CLASP1: variants seen among roughly 807,000 people sequenced by gnomAD.
CLASP1 encodes the protein CLIP-associating protein 1.
In CLASP1, 38 loss-of-function variants were observed where a neutral mutation model predicts 192.3. That is an observed-to-expected ratio of 0.20 (90% confidence interval 0.15 to 0.26). The LOEUF (loss-of-function observed/expected upper bound fraction) is 0.26, where lower values mean the gene tolerates loss of function less well. CLASP1 is among the 10% of genes least tolerant of loss of function. The pLI is 1.00. For synonymous variants in CLASP1, 691 were observed against 712.8 expected (o/e 0.97, Z 0.49); for missense variants, 1,433 against 1,932.5 (o/e 0.74, Z 4.85).
At chr2:121,424,671 T>C (rs1193559607) in intron 22 of CLASP1, among the ~76,000 whole-genome samples, 1 of 152,214 alleles carries the variant, frequency 6.6e-6, no homozygotes, top group African/African-American at 2.4e-5. Flanking sequence ...AACAAATCTA[T>C]GTCAAAAGTA....
At chr2:121,399,892 C>T (rs1167858213) in intron 28 of CLASP1, among the ~76,000 whole-genome samples, 1 of 152,202 alleles carries the variant, frequency 6.6e-6, no homozygotes, top group African/African-American at 2.4e-5. Flanking sequence ...TTGGCCTTCA[C>T]AGTATCTTAA....
intron 1 of CLASP1, among the ~76,000 whole-genome samples, chr2:121,648,977 T>C (rs2073708509): frequency 6.6e-6 from 1 of 152,068 alleles, no homozygotes; most frequent in African/African-American, 2.4e-5. Flanking sequence ...TGGGTTTCTC[T>C]CCCTCGCCCC....
intron 6 of CLASP1, among the ~76,000 whole-genome samples, chr2:121,517,858 CTTTTTTTTTTTTTTTTTTTTT>C (rs70954553): frequency 6.2e-4 from 19 of 30,812 alleles, no homozygotes; most frequent in African/African-American, 2.7e-3. Flanking sequence ...AAGACTCAAG[CTTTTTTTTTTTTTTTTTTTTT>C]TTTTTTTTTT....
At chr2:121,351,531 C>T (rs1274493697) in intron 37 of CLASP1, among the ~76,000 whole-genome samples, 2 of 152,186 alleles carry the variant, frequency 1.3e-5, no homozygotes, top group Non-Finnish European at 2.9e-5. Context: ...AGAAGCCCTA[C>T]CTCCCTCAAG....
chr2:121,510,580 C>A (rs1559476870), intron 7 of CLASP1, among the ~76,000 whole-genome samples: 1 of 151,624 alleles, frequency 6.6e-6, no homozygotes. Flanking sequence ...ATTAGTGATT[C>A]AAAAAAAATC....
chr2:121,353,321 C>T (rs368624444), intron 37 of CLASP1, among the ~76,000 whole-genome samples: 2 of 152,168 alleles, frequency 1.3e-5, no homozygotes, highest in East Asian at 3.9e-4. Context: ...GACCCCGAGA[C>T]TCCACAGAGG....
chr2:121,479,575 T>G (rs1325252222), intron 8 of CLASP1, among the ~76,000 whole-genome samples: 1 of 152,202 alleles, frequency 6.6e-6, no homozygotes, highest in Non-Finnish European at 1.5e-5. Context: ...TCCTCTTAAT[T>G]TTAACCGAAG....
intron 3 of CLASP1, 98 bp downstream of exon 3, chr2:121,530,149 G>A (rs1332405107): frequency 1.6e-5 from 16 of 1,009,640 alleles, no homozygotes; most frequent in African/African-American, 3.2e-5. Flanking sequence ...CTGGAGGGGA[G>A]GCAGGGTGGC....
At chr2:121,631,248 A>T (rs997478814) in intron 1 of CLASP1, among the ~76,000 whole-genome samples, 2 of 151,638 alleles carry the variant, frequency 1.3e-5, no homozygotes, top group Non-Finnish European at 2.9e-5. Flanking sequence ...TTAATTCAAA[A>T]AATGACACAT....
At chr2:121,634,305 T>A (rs533866804) in intron 1 of CLASP1, among the ~76,000 whole-genome samples, 2 of 152,332 alleles carry the variant, frequency 1.3e-5, no homozygotes, top group East Asian at 3.9e-4. Context: ...TTACACAGTT[T>A]GTTCAATCTC....
chr2:121,566,453 C>T (rs1199115367), intron 2 of CLASP1, among the ~76,000 whole-genome samples: 1 of 152,128 alleles, frequency 6.6e-6, no homozygotes, highest in Non-Finnish European at 1.5e-5. Flanking sequence ...TCTTGTTTTT[C>T]TTGAAAGACT....
chr2:121,441,550 A>C (rs1369073166), intron 19 of CLASP1, among the ~76,000 whole-genome samples: 2 of 151,896 alleles, frequency 1.3e-5, no homozygotes, highest in Non-Finnish European at 1.5e-5. Context: ...ACATAGGGAG[A>C]CCCCATCTCT....
At chr2:121,476,086 A>G (rs1019396409) in intron 8 of CLASP1, among the ~76,000 whole-genome samples, 4 of 152,214 alleles carry the variant, frequency 2.6e-5, no homozygotes, top group African/African-American at 4.8e-5. Context: ...TAATGAAGGG[A>G]AAAATAGCAG....
intron 6 of CLASP1, among the ~76,000 whole-genome samples, chr2:121,523,396 A>C (rs1575642242): frequency 6.6e-6 from 1 of 152,214 alleles, no homozygotes; most frequent in East Asian, 1.9e-4. Flanking sequence ...CCCTAGATCT[A>C]AAGGAGAAAA....
exon 25 of CLASP1, chr2:121,407,662 A>T (rs368574540): frequency 6.2e-7 from 1 of 1,614,046 alleles, no homozygotes; most frequent in Non-Finnish European, 8.5e-7. Flanking sequence ...CACTGTTGGC[A>T]TCATCGTCAG....
intron 2 of CLASP1, among the ~76,000 whole-genome samples, chr2:121,589,630 C>CAAAAAA (rs1280970890): frequency 4.7e-5 from 3 of 64,294 alleles, no homozygotes; most frequent in African/African-American, 5.1e-5. Context: ...AACTCTGTCT[C>CAAAAAA]AAAAAAAAAA....
At chr2:121,397,050 G>A (rs2075391740) in intron 30 of CLASP1, 90 bp downstream of exon 31, 9 of 1,275,722 alleles carry the variant, frequency 7.1e-6, no homozygotes, top group Non-Finnish European at 1.0e-5. Flanking sequence ...GTTTGTGGGT[G>A]GGTGGCACGG....
chr2:121,548,847 A>G (rs372961461), intron 2 of CLASP1, among the ~76,000 whole-genome samples: 7 of 152,210 alleles, frequency 4.6e-5, no homozygotes, highest in African/African-American at 1.7e-4. Context: ...AGAAATAGGA[A>G]CCTTTTTCAG....
intron 29 of CLASP1, 49 bp from the exon 31 acceptor site, chr2:121,397,332 G>C: frequency 6.5e-7 from 1 of 1,535,482 alleles, no homozygotes; most frequent in Non-Finnish European, 9.0e-7. Context: ...ATGAATCTTT[G>C]AACACAATTC....
Sources: allele counts gnomAD v4.1 joint callset (sites outside exome capture counted in the v4.1 genomes callset), GRCh38; gene constraint gnomAD v4.1.1; transcripts MANE v1.5; gene names NCBI Gene and HGNC (gene_info 2026-07-23, HGNC 2026-07-21).